Variants in FAM149B1 observed in about 807,000 individuals in gnomAD.
FAM149B1 encodes primary cilium assembly protein FAM149B1.
A neutral mutation model predicts 75.3 loss-of-function variants in FAM149B1; 56 were observed. That is an observed-to-expected ratio of 0.74 (90% CI 0.60 to 0.93). FAM149B1 has a LOEUF of 0.93. Ranked by LOEUF, FAM149B1 falls within the 40% of genes least tolerant of loss-of-function variation. The pLI is 0.00. For synonymous variants in FAM149B1, 259 were observed against 256.1 expected (o/e 1.01, Z -0.11); for missense variants, 639 against 708.4 (o/e 0.90, Z 1.11).
chr10:73,188,084 AAAC>A (rs1421974944), intron 3 of FAM149B1, among the ~76,000 whole-genome samples: 11 of 152,110 alleles, frequency 7.2e-5, no homozygotes, highest in Admixed American at 6.5e-5. Flanking sequence ...CTCCGACTCA[AAAC>A]AACAACAACA....
intron 10 of FAM149B1, chr10:73,234,346 G>C (rs1290715130): frequency 6.5e-6 from 1 of 154,488 alleles, no homozygotes; most frequent in Non-Finnish European, 1.4e-5. Flanking sequence ...GTATCATTCA[G>C]TTTCAATTAC....
intron 9 of FAM149B1, chr10:73,231,407 G>A (rs1589191617): frequency 6.6e-6 from 1 of 152,118 alleles, no homozygotes; most frequent in Admixed American, 6.6e-5. Context: ...ACTGCCATAC[G>A]ATTTCCCAAA....
intron 10 of FAM149B1, among the ~76,000 whole-genome samples, chr10:73,233,793 G>A (rs887249419): frequency 8.5e-5 from 13 of 152,142 alleles, no homozygotes; most frequent in Non-Finnish European, 1.6e-4. Flanking sequence ...AACATTTTCC[G>A]TGCTGGGAAC....
At chr10:73,213,312 C>T (rs1431215156) in intron 7 of FAM149B1, among the ~76,000 whole-genome samples, 3 of 152,122 alleles carry the variant, frequency 2.0e-5, no homozygotes, top group Non-Finnish European at 4.4e-5. Flanking sequence ...TTTTGCTATG[C>T]AGAAGCTTTT....
At chr10:73,190,996 GGT>G (rs974464830) in intron 3 of FAM149B1, among the ~76,000 whole-genome samples, 5 of 152,058 alleles carry the variant, frequency 3.3e-5, no homozygotes, top group African/African-American at 1.2e-4. Flanking sequence ...TGAGATTACA[GGT>G]GTGAACCTCC....
At chr10:73,226,861 A>C (rs368124038) in intron 7 of FAM149B1, among the ~76,000 whole-genome samples, 123 of 152,214 alleles carry the variant, frequency 8.1e-4, no homozygotes, top group African/African-American at 2.5e-3. Context: ...GTACAAACCT[A>C]TCTCTATTAT....
chr10:73,184,576 A>G (rs1240444809), intron 3 of FAM149B1, among the ~76,000 whole-genome samples: 4 of 152,230 alleles, frequency 2.6e-5, no homozygotes, highest in African/African-American at 9.6e-5. Context: ...TATACAAGGT[A>G]TGTTCTCCAG....
At chr10:73,199,197 T>TTTG (rs3998310) in intron 5 of FAM149B1, among the ~76,000 whole-genome samples, 108,521 of 146,444 alleles carry the variant, frequency 0.74, 42,096 homozygotes, top group Non-Finnish European at 0.87. Flanking sequence ...GTTATCCTTT[T>TTTG]TTGTTGTTGT....
intron 12 of FAM149B1, among the ~76,000 whole-genome samples, chr10:73,238,029 G>A (rs2043861769): frequency 6.6e-6 from 1 of 152,104 alleles, no homozygotes; most frequent in Non-Finnish European, 1.5e-5. Flanking sequence ...AAGGGAGATA[G>A]CTAGTTGTTT....
chr10:73,240,861 G>T, intron 13 of FAM149B1, 85 bp from the exon 14 acceptor site: 1 of 783,620 alleles, frequency 1.3e-6, no homozygotes, highest in Non-Finnish European at 2.2e-6. Context: ...ATTCATAATT[G>T]GAGCAAAAAA....
Position 73,243,746 on chromosome 10 carries a change from T to C in FAM149B1, c.*2727T>C. 1 of 1,229,174 alleles carries C rather than the reference T, an allele frequency of 8.1e-7. No homozygotes were observed. Among genetic ancestry groups the C allele is most frequent in the Non-Finnish European group, 1.2e-6 (1 of 861,384 alleles). The allele number at this position is 1,229,174 out of a possible 1,614,324, so 76.1% of individuals were successfully genotyped here. ...AGGACAAATAGAAGGTATGCGGTTA[T>C]GTCTTAAAAGAAGAAAACAAAATAC... On this transcript the variant is annotated 3_prime_UTR_variant, in exon 14 of 14. Transcript: ENST00000242505.
chr10:73,201,422 TTTAGAG>T (rs748794125), intron 5 of FAM149B1, among the ~76,000 whole-genome samples: 27 of 152,350 alleles, frequency 1.8e-4, no homozygotes, highest in Admixed American at 1.1e-3. Flanking sequence ...CTTTATCCTC[TTTAGAG>T]TTAAACTGTT....
At chr10:73,170,975 ATTT>A (rs199626934) in intron 1 of FAM149B1, among the ~76,000 whole-genome samples, 2 of 144,572 alleles carry the variant, frequency 1.4e-5, no homozygotes, top group Non-Finnish European at 3.1e-5. Flanking sequence ...TTTTCTTTCT[ATTT>A]TTTTTTTTTT....
intron 5 of FAM149B1, chr10:73,200,920 G>A (rs2042919551): frequency 8.5e-6 from 4 of 471,206 alleles, no homozygotes; most frequent in South Asian, 3.4e-5. Flanking sequence ...TCTGCATGGC[G>A]ACATGGACCA....
intron 5 of FAM149B1, among the ~76,000 whole-genome samples, chr10:73,203,631 T>G (rs1031202750): frequency 9.3e-5 from 14 of 150,496 alleles, no homozygotes; most frequent in African/African-American, 3.2e-4. Flanking sequence ...TATAAACAAT[T>G]CTGTGATCAT....
At chr10:73,231,404 T>A (rs1280551112) in intron 9 of FAM149B1, 1 of 152,190 alleles carries the variant, frequency 6.6e-6, no homozygotes, top group East Asian at 1.9e-4. Flanking sequence ...GAAACTGCCA[T>A]ACGATTTCCC....
At position 73,208,645 on chromosome 10, in the gene FAM149B1, A is replaced by AT. The variant is rs1455815267; in HGVS notation, c.574dup (p.Ser192PhefsTer7). On this transcript the variant is annotated frameshift_variant, in exon 6 of 14. Transcript: ENST00000242505. LOFTEE classifies it high-confidence loss of function. The stretch of plus-strand genomic sequence containing the variant: ...TTTGGTATAAGGGGAAAGAAGTTAC[A>AT]TTTTTCATCTTCTTATGCTCATAAA... The AT allele has an allele frequency of 1.9e-5, 29 of 1,534,656 alleles. No individual in the cohort carries two copies. The East Asian group carries it at 6.4e-4, about 34-fold the overall frequency.
intron 3 of FAM149B1, among the ~76,000 whole-genome samples, chr10:73,180,903 A>AC (rs1197242050): frequency 1.2e-4 from 17 of 144,480 alleles, no homozygotes; most frequent in South Asian, 2.2e-4. Flanking sequence ...CCCAATCCTC[A>AC]CCCCCCCACT....
At position 73,177,856 on chromosome 10, in the gene FAM149B1, A is replaced by T. The variant is rs188824604; in HGVS notation, c.163A>T (p.Ile55Phe). 6.5e-7 allele frequency: 1 copy of T among 1,549,214 alleles called. No individual in the cohort carries two copies. The highest frequency in any genetic ancestry group is 2.0e-5 in the Admixed American group (1 of 50,514). ...KDTSSQSKSD[I>F]TRESSFTSAD... is the part of the protein sequence containing the mutation. ...AAATTGTGCCTTTAGCAAGTCTGAC[A>T]TCACAAGAGAATCATCTTTTACATC... is the stretch of plus-strand genomic sequence containing the variant. The change falls in exon 3 of 14, where the codon ATC (isoleucine) becomes TTC (phenylalanine). Residue 55 changes from isoleucine (I) to phenylalanine (F), a missense_variant. Coordinates refer to ENST00000242505, the MANE Select transcript of FAM149B1 (RefSeq NM_173348.2).
Sources: allele counts gnomAD v4.1 joint callset (sites outside exome capture counted in the v4.1 genomes callset), GRCh38; gene constraint gnomAD v4.1.1; transcripts MANE v1.5; gene names NCBI Gene and HGNC (gene_info 2026-07-23, HGNC 2026-07-21).